SMYD3: variants seen among roughly 807,000 people sequenced by gnomAD.
SMYD3 encodes the protein histone-lysine N-methyltransferase SMYD3.
In SMYD3, 36 loss-of-function variants were observed where a neutral mutation model predicts 57.7. The observed-to-expected ratio is 0.62, with a 90% confidence interval of 0.48 to 0.82. The LOEUF (loss-of-function observed/expected upper bound fraction) is 0.82, where lower values mean the gene tolerates loss of function less well. Among genes scored for constraint, SMYD3 ranks in the 40% least tolerant of loss-of-function variants. The probability of loss-of-function intolerance (pLI) is 0.00; values close to 1 mark genes in which losing one functional copy is unlikely to be tolerated. For synonymous variants in SMYD3, 211 were observed against 195.0 expected, an observed-to-expected ratio of 1.08 and a Z score of -0.68; for missense variants, 515 against 538.8, an observed-to-expected ratio of 0.96 and a Z score of 0.44.
chr1:245,977,473 G>A (rs1044445577), intron 5 of SMYD3, among the ~76,000 whole-genome samples: 11 of 152,296 alleles, frequency 7.2e-5, no homozygotes, highest in Non-Finnish European at 1.3e-4. Flanking sequence ...GAGGCCACGA[G>A]CTTGAGACCA....
intron 1 of SMYD3, among the ~76,000 whole-genome samples, chr1:246,481,621 T>TACAC (rs1553354806): frequency 1.6e-3 from 154 of 98,226 alleles, no homozygotes; most frequent in African/African-American, 2.0e-3. Context: ...CATACATATA[T>TACAC]ACATACATAC....
chr1:246,378,765 T>C (rs1179771469), intron 1 of SMYD3, among the ~76,000 whole-genome samples: 1 of 120,478 alleles, frequency 8.3e-6, no homozygotes, highest in Non-Finnish European at 1.6e-5. Flanking sequence ...ATTTAATATA[T>C]TATATATAAT....
intron 5 of SMYD3, among the ~76,000 whole-genome samples, chr1:246,015,250 C>T (rs543643721): frequency 2.4e-4 from 37 of 152,176 alleles, no homozygotes; most frequent in African/African-American, 8.9e-4. Flanking sequence ...AGCTGATTTT[C>T]AGCAAAACTT....
At chr1:246,055,053 G>A (rs925859494) in intron 5 of SMYD3, among the ~76,000 whole-genome samples, 2 of 152,000 alleles carry the variant, frequency 1.3e-5, no homozygotes, top group Non-Finnish European at 2.9e-5. Flanking sequence ...GTGGGCACCT[G>A]TAGTCCCAGC....
At chr1:246,120,138 G>T (rs189784493) in intron 5 of SMYD3, among the ~76,000 whole-genome samples, 27 of 152,172 alleles carry the variant, frequency 1.8e-4, no homozygotes, top group African/African-American at 6.5e-4. Flanking sequence ...CATTCTTCTT[G>T]GTATCTCTCT....
At chr1:246,444,720 G>T (rs2067527633) in intron 1 of SMYD3, among the ~76,000 whole-genome samples, 1 of 152,260 alleles carries the variant, frequency 6.6e-6, no homozygotes, top group South Asian at 2.1e-4. Flanking sequence ...ATCCCGAAGT[G>T]TATATATACA....
intron 5 of SMYD3, among the ~76,000 whole-genome samples, chr1:246,021,868 C>A (rs577849066): frequency 6.6e-6 from 1 of 152,202 alleles, no homozygotes; most frequent in African/African-American, 2.4e-5. Flanking sequence ...CATAGGATAT[C>A]AGCAGCTCAC....
rs910897009 is a variant in SMYD3, at chr1:245,818,399, A to G, written c.1076+40097T>C. The stretch of plus-strand genomic sequence containing the variant: ...TAAAAGAGCTCCTGAAGGAAGCGCT[A>G]AACATCGAAAGGAACAACCGGTACC... On this transcript the variant is annotated intron_variant, in intron 10 of 11. Coordinates refer to ENST00000490107, the MANE Select transcript of SMYD3 (RefSeq NM_001167740.2). Among the ~76,000 whole-genome samples, 405 of 152,324 alleles carry G rather than the reference A, an allele frequency of 2.7e-3. 2 individuals are homozygous for G. The highest frequency in any genetic ancestry group is 9.2e-3 in the African/African-American group (383 of 41,560).
At chr1:246,020,430 CA>C (rs772146170) in intron 5 of SMYD3, among the ~76,000 whole-genome samples, 3 of 152,162 alleles carry the variant, frequency 2.0e-5, no homozygotes, top group Admixed American at 6.5e-5. Context: ...CAAAAGCCTA[CA>C]AAGTCTGTAA....
At chr1:246,045,421 C>T (rs539279309) in intron 5 of SMYD3, among the ~76,000 whole-genome samples, 3 of 152,088 alleles carry the variant, frequency 2.0e-5, no homozygotes, top group Non-Finnish European at 4.4e-5. Flanking sequence ...GGAAAACTGG[C>T]TAGCCATATG....
intron 5 of SMYD3, among the ~76,000 whole-genome samples, chr1:246,214,892 A>G (rs1473953216): frequency 1.3e-5 from 2 of 152,222 alleles, no homozygotes; most frequent in Non-Finnish European, 2.9e-5. Context: ...TAGCAGTACT[A>G]TAAAACTTAT....
At chr1:246,405,666 T>C (rs1000861744) in intron 1 of SMYD3, among the ~76,000 whole-genome samples, 2 of 152,086 alleles carry the variant, frequency 1.3e-5, no homozygotes, top group African/African-American at 4.8e-5. Context: ...CCCAGCACTT[T>C]GGGAGGCCGA....
At chr1:245,897,809 G>A (rs1162432637) in intron 8 of SMYD3, among the ~76,000 whole-genome samples, 1 of 151,938 alleles carries the variant, frequency 6.6e-6, no homozygotes. Flanking sequence ...CAAGGCAGGA[G>A]AATTACTGAA....
At chr1:245,839,211 C>T (rs984679791) in intron 10 of SMYD3, among the ~76,000 whole-genome samples, 2 of 152,030 alleles carry the variant, frequency 1.3e-5, no homozygotes, top group Admixed American at 1.3e-4. Context: ...GCTCTTTCGC[C>T]CAGGCCGGAC....
intron 5 of SMYD3, among the ~76,000 whole-genome samples, chr1:246,293,348 C>G (rs908264117): frequency 1.3e-5 from 2 of 152,168 alleles, no homozygotes; most frequent in African/African-American, 4.8e-5. Context: ...CCCTAGAGAT[C>G]TGGAGCTTTT....
rs528949132 is a variant in SMYD3, at chr1:246,507,244, G to A, written c.-27C>T. 15 of 1,477,214 alleles carry A rather than the reference G, an allele frequency of 1.0e-5. No individual in the cohort carries two copies. The highest frequency in any genetic ancestry group is 1.7e-4 in the Middle Eastern group (1 of 5,720). 91.5% of individuals were successfully genotyped at this position (1,477,214 alleles called of 1,614,324 possible). A position where few individuals can be genotyped will look rare whatever the true frequency, so the allele number is the denominator to read the frequency against. ...CTCCCGCAGCTCCGGCACCTCAGACGGCTACCCGCGTCCAGCAGCGGGCGT... is the reference window on the plus strand; with the variant it reads ...CTCCCGCAGCTCCGGCACCTCAGACAGCTACCCGCGTCCAGCAGCGGGCGT... On this transcript the variant is annotated 5_prime_UTR_variant, in exon 1 of 12. Transcript: ENST00000490107.
At chr1:246,206,501 C>T (rs1166369002) in intron 5 of SMYD3, among the ~76,000 whole-genome samples, 1 of 151,714 alleles carries the variant, frequency 6.6e-6, no homozygotes, top group Admixed American at 6.6e-5. Flanking sequence ...AAAAGCCACA[C>T]AAAAATGACA....
intron 10 of SMYD3, among the ~76,000 whole-genome samples, chr1:245,776,947 AT>A (rs386641597): frequency 8.6e-4 from 131 of 152,360 alleles, no homozygotes; most frequent in African/African-American, 3.0e-3. Context: ...CAAGAGCAGA[AT>A]TAAGTAGGAG....
At chr1:246,149,367 C>A (rs2061906640) in intron 5 of SMYD3, among the ~76,000 whole-genome samples, 1 of 152,134 alleles carries the variant, frequency 6.6e-6, no homozygotes, top group South Asian at 2.1e-4. Flanking sequence ...TACCACAATG[C>A]CATGCCATGT....
Sources: gnomAD v4.1 joint callset for allele counts (sites outside exome capture counted in the v4.1 genomes callset) on GRCh38, gnomAD v4.1.1 for gene constraint, MANE v1.5 for transcripts, NCBI Gene and HGNC (gene_info 2026-07-23, HGNC 2026-07-21) for gene names.